STK24: variants seen among roughly 807,000 people sequenced by gnomAD.
STK24 encodes serine/threonine-protein kinase 24.
Under a neutral mutation model 55.6 loss-of-function variants are expected in STK24, and 21 were observed. The ratio of observed to expected loss-of-function variants is 0.38; its 90% CI spans 0.27 to 0.54. The LOEUF is 0.54. Ranked by LOEUF, STK24 falls within the 20% of genes least tolerant of loss-of-function variation. The probability of loss-of-function intolerance (pLI) is 0.79; values close to 1 mark genes in which losing one functional copy is unlikely to be tolerated. For synonymous variants in STK24, 200 were observed against 215.2 expected, an observed-to-expected ratio of 0.93 and a Z score of 0.62; for missense variants, 383 against 538.4, an observed-to-expected ratio of 0.71 and a Z score of 2.86.
At chr13:98,481,589 A>C (rs1008060401) in intron 3 of STK24, among the ~76,000 whole-genome samples, 1 of 152,252 alleles carries the variant, frequency 6.6e-6, no homozygotes, top group Non-Finnish European at 1.5e-5. Context: ...GTCATGTGAA[A>C]TATGAAACGA....
chr13:98,466,305 C>T (rs1893924313), intron 6 of STK24, 71 bp downstream of exon 6: 3 of 1,464,742 alleles, frequency 2.0e-6, no homozygotes, highest in Admixed American at 2.2e-5. Context: ...TTAAAGCAAT[C>T]CCAACAGGAT....
chr13:98,555,492 C>T (rs1157992253), intron 1 of STK24, among the ~76,000 whole-genome samples: 9 of 151,306 alleles, frequency 5.9e-5, no homozygotes, highest in South Asian at 2.1e-4. Context: ...GGCAGCAGAA[C>T]GGCATGAACC....
At chr13:98,457,626 T>A (rs944313807) in intron 9 of STK24, among the ~76,000 whole-genome samples, 7 of 152,054 alleles carry the variant, frequency 4.6e-5, no homozygotes, top group African/African-American at 1.5e-4. Context: ...CCTGCCTCCA[T>A]GCCCAGCTAG....
At chr13:98,490,605 C>A (rs941822734) in intron 2 of STK24, among the ~76,000 whole-genome samples, 4 of 152,082 alleles carry the variant, frequency 2.6e-5, no homozygotes, top group African/African-American at 4.8e-5. Flanking sequence ...AAAGCTTCCA[C>A]GTGATGAATG....
chr13:98,470,316 A>AG lies in STK24; in HGVS notation c.598-3756dup, dbSNP rs11311176. Among the ~76,000 whole-genome samples, 1,303 of 150,874 alleles carry AG rather than the reference A, an allele frequency of 8.6e-3. 13 individuals carry two copies. Among genetic ancestry groups the AG allele is most frequent in the African/African-American group, 0.018 (757 of 41,154 alleles). ...TGTAGAGGTGGGAGTCGGGGGGGCA[A>AG]GGGGGGGTCTTGCTTTGTTGCCCAG... On this transcript the variant is annotated intron_variant, in intron 5 of 10. Coordinates refer to ENST00000539966, the MANE Select transcript of STK24 (RefSeq NM_001032296.4).
intron 2 of STK24, among the ~76,000 whole-genome samples, chr13:98,510,715 A>C (rs1895852322): frequency 6.6e-6 from 1 of 152,212 alleles, no homozygotes; most frequent in African/African-American, 2.4e-5. Context: ...AGAATACGCA[A>C]ATCTATAGAG....
intron 1 of STK24, among the ~76,000 whole-genome samples, chr13:98,531,885 C>T (rs1356772259): frequency 6.6e-6 from 1 of 152,146 alleles, no homozygotes; most frequent in Admixed American, 6.5e-5. Flanking sequence ...GAAAGACGCT[C>T]GTGGGAACTA....
chr13:98,539,813 A>C (rs562640394), intron 1 of STK24, among the ~76,000 whole-genome samples: 8 of 152,352 alleles, frequency 5.3e-5, no homozygotes, highest in Middle Eastern at 3.4e-3. Flanking sequence ...CATATGTGGA[A>C]ACCAGAGAGT....
Position 98,446,531 on chromosome 13 carries a change from A to G in STK24, c.*6642T>C, listed in dbSNP as rs1244648665. 3.7e-5 allele frequency: 32 copies of G among 868,384 alleles called. No individual in the cohort carries two copies. Among genetic ancestry groups the G allele is most frequent in the Non-Finnish European group, 5.8e-5 (32 of 549,518 alleles). The allele number at this position is 868,384 out of a possible 1,614,324, so 53.8% of individuals were successfully genotyped here. A position where few individuals can be genotyped will look rare whatever the true frequency, so the allele number is the denominator to read the frequency against. On this transcript the variant is annotated 3_prime_UTR_variant, in exon 11 of 11. Transcript: ENST00000539966. ...CACGTACAGGCAAACACTGGCTGCC[A>G]TGGTCCCTTCCAGGCCCACGCCCGA...
At chr13:98,476,814 ACT>A (rs1252763930) in intron 3 of STK24, among the ~76,000 whole-genome samples, 1 of 152,016 alleles carries the variant, frequency 6.6e-6, no homozygotes, top group Non-Finnish European at 1.5e-5. Flanking sequence ...GGTCAGGGCC[ACT>A]CTCAGAGGTG....
intron 2 of STK24, among the ~76,000 whole-genome samples, chr13:98,507,270 G>A (rs1895722180): frequency 6.6e-6 from 1 of 152,250 alleles, no homozygotes. Context: ...CAGGTGCAGG[G>A]AAGCTAACGG....
chr13:98,448,517 T>G lies in STK24; in HGVS notation c.*4656A>C. 1 of 577,132 alleles carries G rather than the reference T, an allele frequency of 1.7e-6. No individual in the cohort carries two copies. The highest frequency in any genetic ancestry group is 3.1e-6 in the Non-Finnish European group (1 of 323,018). 35.8% of individuals were successfully genotyped at this position (577,132 alleles called of 1,614,324 possible). On this transcript the variant is annotated 3_prime_UTR_variant, in exon 11 of 11. Coordinates refer to ENST00000539966, the MANE Select transcript of STK24 (RefSeq NM_001032296.4). ...TGAACAGCGCTCCCACCTCCAGTCC[T>G]GGCATCCGCTGGGGGCGCTGTTCTT...
intron 1 of STK24, among the ~76,000 whole-genome samples, chr13:98,555,385 T>A (rs1012270880): frequency 6.6e-6 from 1 of 151,904 alleles, no homozygotes; most frequent in Non-Finnish European, 1.5e-5. Flanking sequence ...ACTGAGACCA[T>A]CCTGGCTAAT....
intron 1 of STK24, among the ~76,000 whole-genome samples, chr13:98,533,677 T>C (rs1462900162): frequency 2.6e-5 from 4 of 152,000 alleles, no homozygotes; most frequent in Non-Finnish European, 5.9e-5. Flanking sequence ...AAAATATAAA[T>C]TCGATTTTTG....
intron 2 of STK24, among the ~76,000 whole-genome samples, chr13:98,496,679 A>G (rs1407469715): frequency 6.6e-6 from 1 of 152,254 alleles, no homozygotes; most frequent in African/African-American, 2.4e-5. Flanking sequence ...TGAGCTGCAC[A>G]TGTGATCCTG....
chr13:98,457,465 CTTTTTTTTT>C (rs11351684), intron 9 of STK24, among the ~76,000 whole-genome samples, 161 bp from the exon 10 acceptor site: 2 of 110,812 alleles, frequency 1.8e-5, no homozygotes, highest in African/African-American at 6.8e-5. Context: ...CTTCAAATTG[CTTTTTTTTT>C]TTTTTTTTTT....
Position 98,446,654 on chromosome 13 carries a change from T to A in STK24, c.*6519A>T. The A allele has an allele frequency of 6.2e-7, 1 of 1,613,590 alleles. No homozygotes were observed. The highest frequency in any genetic ancestry group is 2.2e-5 in the East Asian group (1 of 44,844). On this transcript the variant is annotated 3_prime_UTR_variant, in exon 11 of 11. Transcript: ENST00000539966. ...CCCCGAAAAGCCACTTTGCTTTGTT[T>A]CCCCTTTCCAGGACAATCATCCCCT...
At chr13:98,569,578 G>A (rs2139464954) in intron 1 of STK24, among the ~76,000 whole-genome samples, 1 of 152,264 alleles carries the variant, frequency 6.6e-6, no homozygotes, top group East Asian at 1.9e-4. Flanking sequence ...AACTTCCTAA[G>A]ACAAGGTTGC....
chr13:98,471,454 A>G (rs1031814423), intron 5 of STK24, among the ~76,000 whole-genome samples: 1 of 152,238 alleles, frequency 6.6e-6, no homozygotes, highest in Non-Finnish European at 1.5e-5. Context: ...GCTTCTTCGC[A>G]GTGAGCAGAG....
Sources: gnomAD v4.1 joint callset for allele counts (sites outside exome capture counted in the v4.1 genomes callset) on GRCh38, gnomAD v4.1.1 for gene constraint, MANE v1.5 for transcripts, NCBI Gene and HGNC (gene_info 2026-07-23, HGNC 2026-07-21) for gene names.